GALNT17: variants seen among roughly 807,000 people sequenced by gnomAD.
The protein encoded by GALNT17 is polypeptide N-acetylgalactosaminyltransferase 17.
GALNT17 carries 29 observed loss-of-function variants against 63.7 expected under a neutral mutation model. That is an observed-to-expected ratio of 0.46 (90% CI 0.34 to 0.62). The LOEUF (loss-of-function observed/expected upper bound fraction) is 0.62. Ranked by LOEUF, GALNT17 falls within the 20% of genes least tolerant of loss-of-function variation. The pLI, the probability that GALNT17 is intolerant of heterozygous loss-of-function variation, is 0.01. For missense variants in GALNT17, 603 were observed against 799.6 expected (o/e 0.75, Z 2.97); for synonymous variants, 305 against 318.3 (o/e 0.96, Z 0.45).
rs867654867 is a variant in GALNT17 at position 71,464,046 on chromosome 7, G to A, written c.962+42941G>A. ...ATTCAAGATGGAGTTGCTCTGATTC[G>A]AATGCCTCTGACACTTAATTATAAC... On this transcript the variant is annotated intron_variant, in intron 5 of 10. Transcript: ENST00000333538. 2.6e-4 allele frequency among the ~76,000 whole-genome samples: 40 copies of A among 152,176 alleles called. 1 individual carries two copies. The highest frequency in any genetic ancestry group is 2.1e-3 in the South Asian group (10 of 4,816).
At chr7:71,179,019 A>G (rs1788688389) in intron 1 of GALNT17, among the ~76,000 whole-genome samples, 1 of 152,166 alleles carries the variant, frequency 6.6e-6, no homozygotes, top group African/African-American at 2.4e-5. Context: ...TTTATCTAAC[A>G]GAGAGTTAAC....
At chr7:71,211,224 G>T (rs1195702892) in intron 1 of GALNT17, among the ~76,000 whole-genome samples, 1 of 152,158 alleles carries the variant, frequency 6.6e-6, no homozygotes, top group African/African-American at 2.4e-5. Context: ...GGAGGTAGTT[G>T]AATCATGGGG....
At chr7:71,355,988 T>G (rs992255612) in intron 2 of GALNT17, among the ~76,000 whole-genome samples, 1 of 152,094 alleles carries the variant, frequency 6.6e-6, no homozygotes, top group Admixed American at 6.6e-5. Flanking sequence ...GCTTCCTTTT[T>G]TTTTCTGAGA....
At chr7:71,656,760 C>T (rs1790834236) in intron 6 of GALNT17, among the ~76,000 whole-genome samples, 1 of 152,136 alleles carries the variant, frequency 6.6e-6, no homozygotes, top group Non-Finnish European at 1.5e-5. Flanking sequence ...GATGGATTGG[C>T]TGGCGCCTAG....
chr7:71,229,277 G>T (rs1049471651), intron 1 of GALNT17, among the ~76,000 whole-genome samples: 1 of 152,170 alleles, frequency 6.6e-6, no homozygotes, highest in Non-Finnish European at 1.5e-5. Context: ...CTGCGACTTG[G>T]GAGTTGCAGC....
chr7:71,520,610 G>A (rs1460927074), intron 5 of GALNT17, among the ~76,000 whole-genome samples: 1 of 152,148 alleles, frequency 6.6e-6, no homozygotes, highest in Non-Finnish European at 1.5e-5. Flanking sequence ...AAGCTGCATG[G>A]TGTGTGTGGA....
intron 5 of GALNT17, among the ~76,000 whole-genome samples, chr7:71,473,127 A>C (rs1178003690): frequency 6.6e-6 from 1 of 152,108 alleles, no homozygotes; most frequent in Non-Finnish European, 1.5e-5. Context: ...AGATTTTCTG[A>C]TTGTCAGTTG....
At chr7:71,565,439 C>G (rs1278954100) in intron 5 of GALNT17, among the ~76,000 whole-genome samples, 1 of 152,022 alleles carries the variant, frequency 6.6e-6, no homozygotes, top group Non-Finnish European at 1.5e-5. Flanking sequence ...CTCCCCTTCT[C>G]TACTGTCCTC....
intron 1 of GALNT17, among the ~76,000 whole-genome samples, chr7:71,263,546 G>A (rs1790426627): frequency 6.6e-6 from 1 of 152,164 alleles, no homozygotes; most frequent in Non-Finnish European, 1.5e-5. Context: ...TTTACCTTTA[G>A]AGCCTCCTTG....
intron 1 of GALNT17, among the ~76,000 whole-genome samples, chr7:71,242,746 G>A (rs61359194): frequency 0.056 from 8,554 of 152,222 alleles, 812 homozygotes; most frequent in African/African-American, 0.19. Context: ...GGACTTTGCT[G>A]TGCAAGACTG....
At chr7:71,337,445 T>A (rs1477807072) in intron 2 of GALNT17, among the ~76,000 whole-genome samples, 1 of 152,232 alleles carries the variant, frequency 6.6e-6, no homozygotes, top group African/African-American at 2.4e-5. Context: ...CCAGAAAATC[T>A]ATAGTAATTC....
intron 5 of GALNT17, among the ~76,000 whole-genome samples, chr7:71,551,562 T>C (rs182608321): frequency 2.3e-4 from 35 of 152,164 alleles, no homozygotes; most frequent in Non-Finnish European, 3.8e-4. Flanking sequence ...GAAAAAGTTA[T>C]GTATAGCCTG....
chr7:71,579,852 A>C (rs1789604145), intron 6 of GALNT17, among the ~76,000 whole-genome samples: 4 of 152,154 alleles, frequency 2.6e-5, no homozygotes, highest in Admixed American at 6.6e-5. Flanking sequence ...ACAAATAGAT[A>C]GGTAGGTAGG....
chr7:71,376,482 G>T (rs1460332401), intron 2 of GALNT17, among the ~76,000 whole-genome samples: 1 of 105,786 alleles, frequency 9.5e-6, no homozygotes, highest in Non-Finnish European at 1.7e-5. Flanking sequence ...AAGATAAGCT[G>T]TATTATACTC....
At chr7:71,292,159 T>C (rs1462589662) in intron 1 of GALNT17, among the ~76,000 whole-genome samples, 2 of 152,160 alleles carry the variant, frequency 1.3e-5, no homozygotes, top group East Asian at 3.9e-4. Context: ...CGGGAGAGAG[T>C]AGTCAACAGC....
chr7:71,249,184 T>C (rs1004840208), intron 1 of GALNT17, among the ~76,000 whole-genome samples: 1 of 152,262 alleles, frequency 6.6e-6, no homozygotes, highest in Non-Finnish European at 1.5e-5. Context: ...CATCTTTACA[T>C]AACAGCATCT....
chr7:71,449,686 T>C (rs1214942076), intron 5 of GALNT17, among the ~76,000 whole-genome samples: 2 of 152,200 alleles, frequency 1.3e-5, no homozygotes, highest in Non-Finnish European at 2.9e-5. Flanking sequence ...CATTGCTTTT[T>C]TGGCATTTAT....
At chr7:71,169,261 A>G (rs1452747430) in intron 1 of GALNT17, among the ~76,000 whole-genome samples, 1 of 151,918 alleles carries the variant, frequency 6.6e-6, no homozygotes, top group Non-Finnish European at 1.5e-5. Flanking sequence ...CCTCATCTCT[A>G]TCTGCTCAGC....
intron 2 of GALNT17, among the ~76,000 whole-genome samples, chr7:71,380,443 C>T (rs1483424869): frequency 2.6e-5 from 4 of 151,810 alleles, no homozygotes; most frequent in Admixed American, 1.3e-4. Context: ...TCAAGCCATC[C>T]TCCTGTCTCA....
Sources: gnomAD v4.1 joint callset for allele counts (sites outside exome capture counted in the v4.1 genomes callset) on GRCh38, gnomAD v4.1.1 for gene constraint, MANE v1.5 for transcripts, NCBI Gene and HGNC (gene_info 2026-07-23, HGNC 2026-07-21) for gene names.